Variants in GTF2E2 observed in about 807,000 individuals in gnomAD.
GTF2E2 encodes the protein transcription initiation factor IIE subunit beta.
GTF2E2 carries 21 observed loss-of-function variants against 40.5 expected under a neutral mutation model. That is an observed-to-expected ratio of 0.52 (90% confidence interval 0.37 to 0.75). The LOEUF is 0.75. GTF2E2 is among the 30% of genes least tolerant of loss of function. GTF2E2 has a pLI of 0.00. For synonymous variants in GTF2E2, 117 were observed against 121.6 expected, an observed-to-expected ratio of 0.96 and a Z score of 0.25; for missense variants, 298 against 338.4, an observed-to-expected ratio of 0.88 and a Z score of 0.94.
chr8:30,579,245 G>A (rs1270385201), intron 7 of GTF2E2, among the ~76,000 whole-genome samples: 3 of 152,064 alleles, frequency 2.0e-5, no homozygotes, highest in African/African-American at 4.8e-5. Context: ...AGATGCCATC[G>A]GGAATGAAGG....
chr8:30,603,405 TAAAAC>T (rs1189429920), intron 6 of GTF2E2, among the ~76,000 whole-genome samples: 1 of 151,876 alleles, frequency 6.6e-6, no homozygotes, highest in Non-Finnish European at 1.5e-5. Context: ...AGGAAATACT[TAAAAC>T]AACAACAAAA....
intron 6 of GTF2E2, among the ~76,000 whole-genome samples, chr8:30,599,296 G>T (rs963135398): frequency 1.3e-4 from 20 of 152,066 alleles, no homozygotes; most frequent in African/African-American, 4.8e-4. Context: ...TAAATAACTG[G>T]CTGGGCACAG....
At chr8:30,639,243 C>G (rs1801723538) in intron 2 of GTF2E2, among the ~76,000 whole-genome samples, 1 of 152,108 alleles carries the variant, frequency 6.6e-6, no homozygotes, top group Non-Finnish European at 1.5e-5. Flanking sequence ...ACTATATGGG[C>G]TGCATTATAC....
intron 7 of GTF2E2, among the ~76,000 whole-genome samples, chr8:30,579,677 G>A (rs577548487): frequency 7.2e-5 from 11 of 152,156 alleles, no homozygotes; most frequent in Admixed American, 2.0e-4. Context: ...TAAGGAAAGG[G>A]GGGAGGAGCA....
intron 4 of GTF2E2, among the ~76,000 whole-genome samples, chr8:30,614,047 A>G (rs949902550): frequency 6.6e-6 from 1 of 152,232 alleles, no homozygotes; most frequent in African/African-American, 2.4e-5. Flanking sequence ...ACAAGCACAC[A>G]AACTATAAAT....
chr8:30,600,549 T>G (rs1364539547), intron 6 of GTF2E2, among the ~76,000 whole-genome samples: 2 of 152,156 alleles, frequency 1.3e-5, no homozygotes, highest in African/African-American at 4.8e-5. Flanking sequence ...AGTAAGGGAC[T>G]GAGCTAAGAT....
intron 2 of GTF2E2, among the ~76,000 whole-genome samples, chr8:30,644,219 A>G (rs977728286): frequency 1.3e-5 from 2 of 152,228 alleles, no homozygotes; most frequent in African/African-American, 4.8e-5. Context: ...CAGGTCAACA[A>G]GAGCTAAACT....
Position 30,612,341 on chromosome 8 carries a change from T to A in GTF2E2, c.507A>T (p.Glu169Asp). 1 of 1,613,114 alleles carries A rather than the reference T, an allele frequency of 6.2e-7. No homozygotes were observed. Among genetic ancestry groups the A allele is most frequent in the Non-Finnish European group, 8.5e-7 (1 of 1,179,128 alleles). ...AATTGGGCAGTGCTTCTTCTATGTC[T>A]TCTAAAAGAATTCCTCCTAATCCTC... Reference protein sequence around the residue: ...DQRGLGGILLEDIEEALPNSQ... With the variant: ...DQRGLGGILLDDIEEALPNSQ... Residue 169 changes from glutamate to aspartate, a missense_variant, in exon 5 of 8, where the codon GAA becomes GAT. Coordinates refer to ENST00000355904, the MANE Select transcript of GTF2E2 (RefSeq NM_002095.6).
chr8:30,589,170 T>C (rs1217881502), intron 6 of GTF2E2, among the ~76,000 whole-genome samples: 1 of 151,968 alleles, frequency 6.6e-6, no homozygotes, highest in African/African-American at 2.4e-5. Context: ...GGCAGGAGAA[T>C]CACTTGAATC....
intron 6 of GTF2E2, among the ~76,000 whole-genome samples, chr8:30,605,224 C>T (rs1355696576): frequency 6.6e-6 from 1 of 152,018 alleles, no homozygotes; most frequent in Non-Finnish European, 1.5e-5. Flanking sequence ...CCACTGAGAA[C>T]ATTTAAATAT....
Position 30,611,577 on chromosome 8 carries a change from G to A in GTF2E2, c.549+722C>T, listed in dbSNP as rs1052053453. 2.6e-5 allele frequency among the ~76,000 whole-genome samples: 4 copies of A among 152,126 alleles called. No individual in the cohort carries two copies. The East Asian group carries it at 7.7e-4, about 29-fold the overall frequency. The stretch of plus-strand genomic sequence containing the variant: ...ATTCACCAACTGGGCTTAACAAGTT[G>A]GAAGTGAAGAAGAAAAGTGAGTGAA... On this transcript the variant is annotated intron_variant, in intron 5 of 7. Transcript: ENST00000355904.
At chr8:30,623,436 A>T (rs1333656498) in intron 3 of GTF2E2, among the ~76,000 whole-genome samples, 1 of 152,054 alleles carries the variant, frequency 6.6e-6, no homozygotes, top group African/African-American at 2.4e-5. Flanking sequence ...TTCTTAATCC[A>T]GTCTATCATT....
At chr8:30,650,880 G>A (rs924657047) in intron 2 of GTF2E2, among the ~76,000 whole-genome samples, 1 of 152,110 alleles carries the variant, frequency 6.6e-6, no homozygotes, top group Non-Finnish European at 1.5e-5. Context: ...CAGCCATGGC[G>A]ATGGGTGCCT....
chr8:30,632,597 C>T (rs1801472525), intron 3 of GTF2E2, among the ~76,000 whole-genome samples: 1 of 152,144 alleles, frequency 6.6e-6, no homozygotes, highest in Non-Finnish European at 1.5e-5. Context: ...TCTATTTTCT[C>T]AACTGCTTCT....
chr8:30,580,099 C>T (rs1395352831), intron 7 of GTF2E2, among the ~76,000 whole-genome samples, 182 bp downstream of exon 7: 1 of 152,170 alleles, frequency 6.6e-6, no homozygotes, highest in Non-Finnish European at 1.5e-5. Context: ...AAGGCACTCA[C>T]AGGCCTGGAG....
At chr8:30,583,985 T>C (rs1828596262) in intron 6 of GTF2E2, among the ~76,000 whole-genome samples, 1 of 151,952 alleles carries the variant, frequency 6.6e-6, no homozygotes, top group African/African-American at 2.4e-5. Context: ...TTTTGTATTT[T>C]TTAGTAGAGA....
At chr8:30,632,657 T>C (rs547532808) in intron 3 of GTF2E2, among the ~76,000 whole-genome samples, 2 of 152,164 alleles carry the variant, frequency 1.3e-5, no homozygotes, top group Non-Finnish European at 2.9e-5. Flanking sequence ...GGAGGGGAAC[T>C]GATATAAGAC....
At chr8:30,652,871 G>A (rs1029322767) in intron 2 of GTF2E2, among the ~76,000 whole-genome samples, 4 of 152,050 alleles carry the variant, frequency 2.6e-5, no homozygotes, top group African/African-American at 4.8e-5. Context: ...TATGGAATAC[G>A]CTTTACCAAT....
intron 3 of GTF2E2, among the ~76,000 whole-genome samples, chr8:30,626,539 T>C (rs908874847): frequency 3.3e-5 from 5 of 152,222 alleles, no homozygotes; most frequent in African/African-American, 7.2e-5. Flanking sequence ...TTTGCAACTT[T>C]CTCAGTTACT....
Sources: gnomAD v4.1 joint callset for allele counts (sites outside exome capture counted in the v4.1 genomes callset) on GRCh38, gnomAD v4.1.1 for gene constraint, MANE v1.5 for transcripts, NCBI Gene and HGNC (gene_info 2026-07-23, HGNC 2026-07-21) for gene names.